NELL1: variants seen among roughly 807,000 people sequenced by gnomAD.
The protein encoded by NELL1 is neural EGFL like 1.
NELL1 carries 76 observed loss-of-function variants against 107.4 expected under a neutral mutation model. That is an observed-to-expected ratio of 0.71 (90% CI 0.59 to 0.86). The LOEUF is 0.86. Ranked by LOEUF, NELL1 falls within the 40% of genes least tolerant of loss-of-function variation. The pLI is 0.00. For synonymous variants in NELL1, 353 were observed against 341.2 expected, an observed-to-expected ratio of 1.03 and a Z score of -0.38; for missense variants, 1,024 against 1,005.5, an observed-to-expected ratio of 1.02 and a Z score of -0.25.
intron 14 of NELL1, among the ~76,000 whole-genome samples, chr11:21,301,976 T>C (rs1480166631): frequency 6.6e-6 from 1 of 152,040 alleles, no homozygotes; most frequent in Non-Finnish European, 1.5e-5. Context: ...GGTGAAGATA[T>C]CTCAAAACTG....
chr11:21,242,419 T>C (rs1858387613), intron 14 of NELL1, among the ~76,000 whole-genome samples: 1 of 152,108 alleles, frequency 6.6e-6, no homozygotes, highest in African/African-American at 2.4e-5. Context: ...TGCATTGAAT[T>C]GGCCAGAACT....
chr11:21,279,716 G>A (rs1321531661), intron 14 of NELL1, among the ~76,000 whole-genome samples: 1 of 152,136 alleles, frequency 6.6e-6, no homozygotes, highest in Non-Finnish European at 1.5e-5. Context: ...GTGCTTCTTG[G>A]TATTTTTCCA....
At chr11:21,020,424 C>T (rs565011111) in intron 12 of NELL1, among the ~76,000 whole-genome samples, 3 of 152,094 alleles carry the variant, frequency 2.0e-5, no homozygotes, top group East Asian at 1.9e-4. Flanking sequence ...GTAATAGAAC[C>T]GTATATGCTC....
intron 10 of NELL1, among the ~76,000 whole-genome samples, chr11:20,939,569 C>T (rs1206566484): frequency 6.6e-6 from 1 of 152,130 alleles, no homozygotes; most frequent in Non-Finnish European, 1.5e-5. Flanking sequence ...TATGTCCAAG[C>T]TCTGATTGTT....
chr11:20,867,642 C>CTTGAAGGATGCATAGTATTTGTG (rs1849120444), intron 4 of NELL1, among the ~76,000 whole-genome samples: 1 of 152,130 alleles, frequency 6.6e-6, no homozygotes, highest in Admixed American at 6.5e-5. Flanking sequence ...TAGAGTTGGG[C>CTTGAAGGATGCATAGTATTTGTG]TTGAAGGATG....
chr11:20,933,679 A>G (rs1850663544), intron 9 of NELL1, among the ~76,000 whole-genome samples: 1 of 152,152 alleles, frequency 6.6e-6, no homozygotes, highest in Non-Finnish European at 1.5e-5. Context: ...GCAGGGTACA[A>G]ATACCTAAAT....
Position 20,701,181 on chromosome 11 carries a change from T to A in NELL1, c.184+23121T>A, listed in dbSNP as rs180747520. ...CCTCTGCAGCACCTGTTGTTTCTTG[T>A]CTTTTTAATAATTGCCATTCTAACT... On this transcript the variant is annotated intron_variant, in intron 2 of 19. Transcript: ENST00000357134. Among the ~76,000 whole-genome samples, 1,400 of 151,988 alleles carry A rather than the reference T, an allele frequency of 9.2e-3. 8 individuals are homozygous for A. Among genetic ancestry groups the A allele is most frequent in the Non-Finnish European group, 0.015 (990 of 67,978 alleles).
chr11:21,173,405 C>CT (rs1565095761), intron 13 of NELL1, among the ~76,000 whole-genome samples: 1 of 151,804 alleles, frequency 6.6e-6, no homozygotes, highest in Non-Finnish European at 1.5e-5. Context: ...CTTTCACATT[C>CT]TTTTTTTCTA....
intron 15 of NELL1, among the ~76,000 whole-genome samples, chr11:21,372,220 T>A (rs1475309522): frequency 2.0e-5 from 3 of 151,920 alleles, no homozygotes; most frequent in Non-Finnish European, 4.4e-5. Flanking sequence ...AACTTAAGGG[T>A]AGCTTAGGAC....
chr11:21,425,916 G>A (rs950744983), intron 15 of NELL1, among the ~76,000 whole-genome samples: 2 of 152,118 alleles, frequency 1.3e-5, no homozygotes, highest in South Asian at 2.1e-4. Flanking sequence ...CAAGAAACGA[G>A]CAGTATAAGA....
At chr11:21,406,419 AG>A (rs1852237863) in intron 15 of NELL1, among the ~76,000 whole-genome samples, 1 of 15,554 alleles carries the variant, frequency 6.4e-5, no homozygotes, top group Non-Finnish European at 1.3e-4. Flanking sequence ...AATTACCAGA[AG>A]AAGTAGATTA....
chr11:20,736,759 C>T (rs560525715), intron 2 of NELL1, among the ~76,000 whole-genome samples: 1 of 147,630 alleles, frequency 6.8e-6, no homozygotes, highest in South Asian at 2.3e-4. Flanking sequence ...CTTCCTCTCT[C>T]CTTTCATTTT....
chr11:21,394,412 A>G (rs1267052152), intron 15 of NELL1, among the ~76,000 whole-genome samples: 1 of 151,404 alleles, frequency 6.6e-6, no homozygotes, highest in Non-Finnish European at 1.5e-5. Context: ...ATACATATAT[A>G]TGTATGTATA....
intron 10 of NELL1, among the ~76,000 whole-genome samples, chr11:20,943,329 C>T (rs78978950): frequency 6.6e-6 from 1 of 151,930 alleles, no homozygotes; most frequent in African/African-American, 2.4e-5. Context: ...GCCGGGCATG[C>T]GGGTCAGCAC....
At chr11:21,496,062 A>G (rs1249977002) in intron 15 of NELL1, among the ~76,000 whole-genome samples, 2 of 152,112 alleles carry the variant, frequency 1.3e-5, no homozygotes, top group African/African-American at 2.4e-5. Flanking sequence ...ACTTGGCTAT[A>G]AGGTCACGTG....
chr11:21,569,490 TGA>T (rs1178082404), intron 17 of NELL1, among the ~76,000 whole-genome samples: 1 of 149,214 alleles, frequency 6.7e-6, no homozygotes, highest in African/African-American at 2.5e-5. Context: ...ATGATGATGA[TGA>T]TATATACTTA....
chr11:21,210,374 C>A (rs1857473423), intron 13 of NELL1, among the ~76,000 whole-genome samples: 1 of 152,116 alleles, frequency 6.6e-6, no homozygotes, highest in Non-Finnish European at 1.5e-5. Context: ...TCCAATTCCT[C>A]CATTTCTTGC....
intron 12 of NELL1, among the ~76,000 whole-genome samples, chr11:21,079,475 T>A (rs541637081): frequency 6.6e-6 from 1 of 152,140 alleles, no homozygotes; most frequent in South Asian, 2.1e-4. Context: ...CCAACAATGA[T>A]AGTAGAAAAC....
At chr11:20,962,142 C>T (rs183204310) in intron 12 of NELL1, among the ~76,000 whole-genome samples, 277 of 152,006 alleles carry the variant, frequency 1.8e-3, no homozygotes, top group African/African-American at 6.4e-3. Flanking sequence ...TGTCCCTTTG[C>T]TTATGAACCT....
Sources: allele counts gnomAD v4.1 joint callset (sites outside exome capture counted in the v4.1 genomes callset), GRCh38; gene constraint gnomAD v4.1.1; transcripts MANE v1.5; gene names NCBI Gene and HGNC (gene_info 2026-07-23, HGNC 2026-07-21).